Variants in NAALADL2 observed in about 807,000 individuals in gnomAD.
NAALADL2 encodes inactive N-acetylated-alpha-linked acidic dipeptidase-like protein 2.
In NAALADL2, 76 loss-of-function variants were observed where a neutral mutation model predicts 87.2. The observed-to-expected ratio is 0.87, with a 90% CI of 0.72 to 1.05. The LOEUF (loss-of-function observed/expected upper bound fraction) is 1.05. Ranked by LOEUF, NAALADL2 falls within the 50% of genes least tolerant of loss-of-function variation. NAALADL2 has a pLI of 0.00. For missense variants in NAALADL2, 1,089 were observed against 945.8 expected, an observed-to-expected ratio of 1.15 and a Z score of -1.99; for synonymous variants, 354 against 331.0, an observed-to-expected ratio of 1.07 and a Z score of -0.75.
intron 10 of NAALADL2, among the ~76,000 whole-genome samples, chr3:175,578,785 T>G (rs9290561): frequency 0.02 from 2,976 of 152,324 alleles, 70 homozygotes; most frequent in Admixed American, 0.062. Flanking sequence ...ACCTATAAGT[T>G]ACTGAAAAAT....
intron 3 of NAALADL2, among the ~76,000 whole-genome samples, chr3:174,746,626 C>A (rs1383156048): frequency 6.6e-6 from 1 of 151,930 alleles, no homozygotes; most frequent in African/African-American, 2.4e-5. Context: ...ATAGCTAAGA[C>A]AATCCTAAGA....
At chr3:174,723,862 G>A (rs1731945253) in intron 2 of NAALADL2, among the ~76,000 whole-genome samples, 1 of 146,732 alleles carries the variant, frequency 6.8e-6, no homozygotes, top group Non-Finnish European at 1.5e-5. Flanking sequence ...AAAAATATTA[G>A]TTTTTATAAG....
At chr3:174,604,957 T>A (rs1270110578) in intron 2 of NAALADL2, among the ~76,000 whole-genome samples, 2 of 151,862 alleles carry the variant, frequency 1.3e-5, no homozygotes, top group Non-Finnish European at 2.9e-5. Context: ...TTCACAATAT[T>A]GTCCAGGCTG....
intron 3 of NAALADL2, among the ~76,000 whole-genome samples, chr3:174,831,250 T>C (rs1436566884): frequency 1.3e-5 from 2 of 150,670 alleles, no homozygotes; most frequent in African/African-American, 2.5e-5. Context: ...GGGTTTGTCA[T>C]AGATAGCTCT....
At chr3:175,619,549 T>G (rs1725914501) in intron 10 of NAALADL2, among the ~76,000 whole-genome samples, 1 of 151,384 alleles carries the variant, frequency 6.6e-6, no homozygotes, top group Non-Finnish European at 1.5e-5. Flanking sequence ...TGCTAATGGA[T>G]TTTTTCAACA....
chr3:175,218,108 G>T (rs1742828155), intron 2 of NAALADL2: 2 of 444,338 alleles, frequency 4.5e-6, no homozygotes, highest in South Asian at 3.3e-5. Context: ...GAATGGTGTG[G>T]CTTGATGAAA....
At chr3:174,699,165 T>G (rs1244341095) in intron 2 of NAALADL2, among the ~76,000 whole-genome samples, 4 of 152,162 alleles carry the variant, frequency 2.6e-5, no homozygotes, top group Admixed American at 2.0e-4. Flanking sequence ...ATGAGTAATT[T>G]CTTTATCATC....
At chr3:175,322,234 G>C (rs1759992876) in intron 4 of NAALADL2, among the ~76,000 whole-genome samples, 1 of 150,582 alleles carries the variant, frequency 6.6e-6, no homozygotes, top group Admixed American at 6.6e-5. Flanking sequence ...GCAAGCAATG[G>C]GGAAAGGATT....
intron 9 of NAALADL2, among the ~76,000 whole-genome samples, chr3:175,572,510 T>C (rs1718238112): frequency 6.6e-6 from 1 of 151,552 alleles, no homozygotes; most frequent in Non-Finnish European, 1.5e-5. Context: ...GAGCAAACTA[T>C]AGTAGGAAGA....
At chr3:174,781,602 T>A (rs927875885) in intron 3 of NAALADL2, among the ~76,000 whole-genome samples, 1 of 151,938 alleles carries the variant, frequency 6.6e-6, no homozygotes, top group Non-Finnish European at 1.5e-5. Context: ...TTTAGGGTGA[T>A]TTTAGAAGGA....
At chr3:175,415,687 C>T (rs1714494472) in intron 5 of NAALADL2, among the ~76,000 whole-genome samples, 1 of 151,946 alleles carries the variant, frequency 6.6e-6, no homozygotes, top group East Asian at 1.9e-4. Context: ...AATCTCAACA[C>T]TGTTATTGTA....
rs201860926 is a variant in NAALADL2 at position 175,667,181 on chromosome 3, G to GAGAAAGAAAGAA, written c.1896+39845_1896+39856dup. ...AAAGAAAAAGAAAGAAAGAAAGAAAGAGAAAGAAAGAAAGAAAGAAAGAAA... is the reference window on the plus strand; with the variant it reads ...AAAGAAAAAGAAAGAAAGAAAGAAAGAGAAAGAAAGAAAGAAAGAAAGAAAGAAAGAAAGAAA... On this transcript the variant is annotated intron_variant, in intron 11 of 13. Transcript: ENST00000454872. Among the ~76,000 whole-genome samples the GAGAAAGAAAGAA allele has an allele frequency of 3.4e-3, 327 of 95,226 alleles. 2 individuals are homozygous for GAGAAAGAAAGAA. The highest frequency in any genetic ancestry group is 5.3e-3 in the East Asian group (19 of 3,588). The allele number at this position is 95,226 out of a possible 152,430, so 62.5% of individuals were successfully genotyped here.
At chr3:175,276,246 G>A (rs1753573014) in intron 4 of NAALADL2, among the ~76,000 whole-genome samples, 2 of 150,718 alleles carry the variant, frequency 1.3e-5, no homozygotes, top group Admixed American at 6.6e-5. Context: ...TCTCTTTGTG[G>A]TACAATTAAA....
At chr3:175,717,892 C>A (rs1198927078) in intron 11 of NAALADL2, among the ~76,000 whole-genome samples, 1 of 149,492 alleles carries the variant, frequency 6.7e-6, no homozygotes, top group Non-Finnish European at 1.5e-5. Context: ...CCACCGCAAC[C>A]TTCACCTCCC....
chr3:174,963,213 CTTGG>C (rs1450598416), intron 1 of NAALADL2, among the ~76,000 whole-genome samples: 1 of 151,978 alleles, frequency 6.6e-6, no homozygotes, highest in Non-Finnish European at 1.5e-5. Context: ...TATTAGAAAA[CTTGG>C]TGTGTTTCAT....
At chr3:175,268,930 G>T (rs1421549301) in intron 4 of NAALADL2, among the ~76,000 whole-genome samples, 3 of 147,392 alleles carry the variant, frequency 2.0e-5, no homozygotes, top group Non-Finnish European at 4.5e-5. Context: ...TTGTTTTACA[G>T]TTAACTATTT....
intron 3 of NAALADL2, among the ~76,000 whole-genome samples, chr3:174,757,834 T>C (rs570881980): frequency 3.3e-4 from 50 of 152,258 alleles, no homozygotes; most frequent in Non-Finnish European, 6.6e-4. Context: ...TAGCCAGACA[T>C]CTAGTTTACA....
intron 3 of NAALADL2, among the ~76,000 whole-genome samples, chr3:174,820,144 A>C (rs1439914594): frequency 6.6e-6 from 1 of 152,206 alleles, no homozygotes; most frequent in East Asian, 1.9e-4. Context: ...GAAAATTACT[A>C]CTGCTCACTC....
chr3:174,870,106 C>T (rs1040982484), intron 1 of NAALADL2, among the ~76,000 whole-genome samples: 1 of 149,220 alleles, frequency 6.7e-6, no homozygotes, highest in African/African-American at 2.5e-5. Flanking sequence ...TGTGTGTAAG[C>T]GTGTGTGCGT....
Sources: allele counts gnomAD v4.1 joint callset (sites outside exome capture counted in the v4.1 genomes callset), GRCh38; gene constraint gnomAD v4.1.1; transcripts MANE v1.5; gene names NCBI Gene and HGNC (gene_info 2026-07-23, HGNC 2026-07-21).